Variants in CLDN18 observed in about 807,000 individuals in gnomAD.
The protein encoded by CLDN18 is claudin-18.
In CLDN18, 20 loss-of-function variants were observed where a neutral mutation model predicts 25.0. That is an observed-to-expected ratio of 0.80 (90% CI 0.56 to 1.16). CLDN18 has a LOEUF of 1.16. Ranked by LOEUF, CLDN18 falls within the 50% of genes most tolerant of loss-of-function variation. CLDN18 has a pLI of 0.00. For synonymous variants in CLDN18, 125 were observed against 135.6 expected (o/e 0.92, Z 0.54); for missense variants, 297 against 345.4 (o/e 0.86, Z 1.11).
intron 2 of CLDN18, among the ~76,000 whole-genome samples, chr3:138,024,404 T>A (rs1358322289): frequency 6.6e-6 from 1 of 152,156 alleles, no homozygotes; most frequent in East Asian, 1.9e-4. Flanking sequence ...CACACACATA[T>A]CCTTCCACAA....
upstream of CLDN18, chr3:138,010,078 T>C (rs1272432047): frequency 7.6e-7 from 1 of 1,310,264 alleles, no homozygotes; most frequent in African/African-American, 1.5e-5. Flanking sequence ...GAAACTGAGC[T>C]ATCTAAGGAA....
upstream of CLDN18, among the ~76,000 whole-genome samples, chr3:138,007,584 A>G (rs573980336): frequency 4.9e-4 from 74 of 152,306 alleles, no homozygotes; most frequent in African/African-American, 1.3e-3. Context: ...ATGATGGGTC[A>G]ATAGGTGCAG....
At chr3:138,022,740 A>G (rs1942284937) in intron 1 of CLDN18, among the ~76,000 whole-genome samples, 2 of 152,222 alleles carry the variant, frequency 1.3e-5, no homozygotes, top group Admixed American at 1.3e-4. Flanking sequence ...TTCCTTGTTA[A>G]ATTAATTATA....
At chr3:138,013,561 T>C (rs914759968) in intron 1 of CLDN18, among the ~76,000 whole-genome samples, 5 of 152,318 alleles carry the variant, frequency 3.3e-5, no homozygotes, top group Non-Finnish European at 7.4e-5. Flanking sequence ...GGAACACATG[T>C]CACTCACAGT....
In CLDN18 at chr3:138,032,808, A is replaced by G. The variant is rs951022363; in HGVS notation, c.*1667A>G. ...TGAATTCACCTAGAGTGGTTGGACCATCAGATGTTTGGGCAAAACTGAAAG... is the reference window on the plus strand; with the variant it reads ...TGAATTCACCTAGAGTGGTTGGACCGTCAGATGTTTGGGCAAAACTGAAAG... On this transcript the variant is annotated 3_prime_UTR_variant, in exon 5 of 5. Transcript: ENST00000183605. 1 of 152,224 alleles carries G rather than the reference A, an allele frequency of 6.6e-6. No individual in the cohort carries two copies. The highest frequency in any genetic ancestry group is 2.4e-5 in the African/African-American group (1 of 41,448). The allele number at this position is 152,224 out of a possible 1,614,324, so 9.4% of individuals were successfully genotyped here. A position where few individuals can be genotyped will look rare whatever the true frequency, so the allele number is the denominator to read the frequency against.
upstream of CLDN18, among the ~76,000 whole-genome samples, chr3:138,006,578 T>C (rs1356053594): frequency 6.6e-6 from 1 of 152,228 alleles, no homozygotes; most frequent in Non-Finnish European, 1.5e-5. Flanking sequence ...TAGAGATACA[T>C]TGATATGTTT....
chr3:137,999,337 A>G (rs918894539), intron 1 of CLDN18, among the ~76,000 whole-genome samples: 1 of 152,006 alleles, frequency 6.6e-6, no homozygotes, highest in Non-Finnish European at 1.5e-5. Context: ...AGAGGAACTT[A>G]TTTTTTCAAT....
upstream of CLDN18, among the ~76,000 whole-genome samples, chr3:138,008,694 G>A (rs375231650): frequency 1.2e-4 from 18 of 152,252 alleles, no homozygotes; most frequent in South Asian, 3.5e-3. Flanking sequence ...GGGAAGCCAA[G>A]ATAAGCAGAT....
chr3:138,018,956 C>A (rs989998914), intron 1 of CLDN18, among the ~76,000 whole-genome samples: 10 of 152,192 alleles, frequency 6.6e-5, no homozygotes, highest in African/African-American at 2.2e-4. Context: ...CATAGCAATT[C>A]ACACACCTGG....
At chr3:138,007,095 G>A (rs1942077798), upstream of CLDN18, among the ~76,000 whole-genome samples, 1 of 152,002 alleles carries the variant, frequency 6.6e-6, no homozygotes, top group African/African-American at 2.4e-5. Flanking sequence ...TATTGTCGGG[G>A]GAAGGTTAGA....
At chr3:138,002,865 G>GC (rs1299286682) in intron 1 of CLDN18, among the ~76,000 whole-genome samples, 2 of 152,188 alleles carry the variant, frequency 1.3e-5, no homozygotes, top group Admixed American at 1.3e-4. Flanking sequence ...GGAACAAAAA[G>GC]CAAAGGTCTT....
At chr3:138,029,360 G>A (rs1942361685) in intron 3 of CLDN18, among the ~76,000 whole-genome samples, 1 of 152,108 alleles carries the variant, frequency 6.6e-6, no homozygotes, top group Non-Finnish European at 1.5e-5. Flanking sequence ...TGGCCAGGCT[G>A]CTCTTGAACT....
intron 3 of CLDN18, among the ~76,000 whole-genome samples, chr3:138,026,601 C>T (rs1942330540): frequency 1.3e-5 from 2 of 152,024 alleles, no homozygotes; most frequent in Admixed American, 1.3e-4. Flanking sequence ...GCCGAGATCG[C>T]ACCACTGCAC....
Position 138,023,839 on chromosome 3 carries a change from G to C in CLDN18, c.385+17G>C. Reference sequence around the variant, plus strand: ...TTGTCTCAGGTAAACACAGAGCCTGGAGTTCCCACTTCTGCGAATGTCAAA... The same window carrying C: ...TTGTCTCAGGTAAACACAGAGCCTGCAGTTCCCACTTCTGCGAATGTCAAA... On this transcript the variant is annotated intron_variant, in intron 2 of 4. Transcript: ENST00000183605. 1 of 1,598,336 alleles carries C rather than the reference G, an allele frequency of 6.3e-7. No homozygotes were observed. Among genetic ancestry groups the C allele is most frequent in the Non-Finnish European group, 8.6e-7 (1 of 1,168,196 alleles).
upstream of CLDN18, chr3:138,010,029 C>T (rs867099309): frequency 5.3e-6 from 5 of 946,558 alleles, no homozygotes; most frequent in Non-Finnish European, 7.6e-6. Context: ...GGGCCCGCTT[C>T]TCTAACAAAT....
At chr3:138,007,170 A>G (rs1467934794), upstream of CLDN18, among the ~76,000 whole-genome samples, 1 of 152,316 alleles carries the variant, frequency 6.6e-6, no homozygotes, top group East Asian at 1.9e-4. Flanking sequence ...AAAAGGATAC[A>G]ATTTGACCTA....
rs1031683799 is a variant in CLDN18, at chr3:138,031,761, A to C, written c.*620A>C. On this transcript the variant is annotated 3_prime_UTR_variant, in exon 5 of 5. Transcript: ENST00000183605. ...CAACCAAACCTTTCTACTGCTGTTG[A>C]CATCTTCTTATTACAGCAACACCAT... 1.3e-5 allele frequency: 2 copies of C among 152,322 alleles called. No individual in the cohort carries two copies. Among genetic ancestry groups the C allele is most frequent in the African/African-American group, 4.8e-5 (2 of 41,570 alleles). 9.4% of individuals were successfully genotyped at this position (152,322 alleles called of 1,614,324 possible).
chr3:138,008,407 CA>C (rs1942092422), upstream of CLDN18, among the ~76,000 whole-genome samples: 1 of 152,060 alleles, frequency 6.6e-6, no homozygotes, highest in African/African-American at 2.4e-5. Flanking sequence ...AGTTCGAGGC[CA>C]GCCTGACCAA....
intron 3 of CLDN18, 71 bp downstream of exon 3, chr3:138,024,795 C>A (rs1942306527): frequency 3.4e-6 from 3 of 882,596 alleles, no homozygotes; most frequent in Non-Finnish European, 5.5e-6. Context: ...TAAACACATG[C>A]ACCTAATGTG....
Sources: allele counts gnomAD v4.1 joint callset (sites outside exome capture counted in the v4.1 genomes callset), GRCh38; gene constraint gnomAD v4.1.1; transcripts MANE v1.5; gene names NCBI Gene and HGNC (gene_info 2026-07-23, HGNC 2026-07-21).